Variants in MATN4 observed in about 807,000 individuals in gnomAD.
The protein encoded by MATN4 is matrilin-4.
A neutral mutation model predicts 54.6 loss-of-function variants in MATN4; 40 were observed. The ratio of observed to expected loss-of-function variants is 0.73; its 90% CI spans 0.57 to 0.95. The LOEUF (loss-of-function observed/expected upper bound fraction) is 0.95. Among genes scored for constraint, MATN4 ranks in the 40% least tolerant of loss-of-function variants. MATN4 has a pLI of 0.00. For missense variants in MATN4, 810 were observed against 819.1 expected (o/e 0.99, Z 0.13); for synonymous variants, 351 against 345.3 (o/e 1.02, Z -0.18).
intron 3 of MATN4, chr20:45,303,419 T>A (rs1327916368): frequency 1.4e-6 from 1 of 716,972 alleles, no homozygotes; most frequent in East Asian, 2.7e-5. Flanking sequence ...GCTGCTAGCT[T>A]GTAGCCTGGG....
At chr20:45,296,208 C>G (rs1297818896) in intron 8 of MATN4, among the ~76,000 whole-genome samples, 2 of 89,454 alleles carry the variant, frequency 2.2e-5, no homozygotes, top group Non-Finnish European at 4.0e-5. Context: ...GAGCGAGACT[C>G]CATCTCAAAA....
rs756106015 is a variant in MATN4 at position 45,304,274 on chromosome 20, G to A, written c.597C>T (p.Phe199=). 1.3e-6 allele frequency: 2 copies of A among 1,555,836 alleles called. No homozygotes were observed. The highest frequency in any genetic ancestry group is 1.7e-6 in the Non-Finnish European group (2 of 1,154,208). The change falls in exon 3 of 10, where the codon TTC becomes TTT. Residue 199 remains phenylalanine (F), a synonymous_variant. Coordinates refer to ENST00000372756, the MANE Select transcript of MATN4 (RefSeq NM_001393530.1). ...GCAGGCCGAACTCCTGGATGAGGTC[G>A]AAGGACTCTACGAGGAAGACGTGCT... The part of the protein sequence containing the change: ...LDEHVFLVES[F]DLIQEFGLQF...
chr20:45,296,297 AAAAAAG>A (rs1985828124), intron 8 of MATN4, among the ~76,000 whole-genome samples: 1 of 151,946 alleles, frequency 6.6e-6, no homozygotes, highest in African/African-American at 2.4e-5. Flanking sequence ...ACCTTAGGAA[AAAAAAG>A]AAAAAGGATT....
intron 1 of MATN4, among the ~76,000 whole-genome samples, chr20:45,307,182 C>A (rs1986788276): frequency 6.6e-6 from 1 of 152,136 alleles, no homozygotes; most frequent in African/African-American, 2.4e-5. Context: ...CACCGCCGCG[C>A]CCCATGCTGA....
intron 3 of MATN4, chr20:45,303,394 C>A (rs1224974869): frequency 2.8e-6 from 2 of 715,742 alleles, no homozygotes; most frequent in Non-Finnish European, 5.2e-6. Context: ...GTCATCCAAA[C>A]AGCTCTTGTT....
At chr20:45,302,782 C>A (rs1444177579) in intron 3 of MATN4, among the ~76,000 whole-genome samples, 1 of 152,036 alleles carries the variant, frequency 6.6e-6, no homozygotes, top group South Asian at 2.1e-4. Context: ...TAAGGATGTG[C>A]CTGTAAGAAG....
intron 6 of MATN4, among the ~76,000 whole-genome samples, chr20:45,299,967 G>A (rs2145652246): frequency 1.3e-5 from 1 of 75,378 alleles, no homozygotes; most frequent in South Asian, 3.1e-4. Flanking sequence ...GTGTGTGGGT[G>A]TGTGTGTGTA....
At chr20:45,296,594 T>C (rs571385964) in intron 8 of MATN4, among the ~76,000 whole-genome samples, 2 of 152,248 alleles carry the variant, frequency 1.3e-5, no homozygotes, top group Non-Finnish European at 2.9e-5. Flanking sequence ...GTGCCTCTCC[T>C]GTTACCGAAG....
chr20:45,302,383 T>C (rs1986287701), intron 3 of MATN4, among the ~76,000 whole-genome samples: 1 of 152,200 alleles, frequency 6.6e-6, no homozygotes. Flanking sequence ...TGAGAGATAA[T>C]AACATGTGTA....
In MATN4 at chr20:45,308,181, C is replaced by A; in HGVS notation, c.-41G>T. 1 of 1,614,102 alleles carries A rather than the reference C, an allele frequency of 6.2e-7. No individual in the cohort carries two copies. The highest frequency in any genetic ancestry group is 8.5e-7 in the Non-Finnish European group (1 of 1,179,958). On this transcript the variant is annotated 5_prime_UTR_variant, in exon 1 of 10. The change creates a new upstream start codon in the 5' untranslated region. Coordinates refer to ENST00000372756, the MANE Select transcript of MATN4 (RefSeq NM_001393530.1). Reference sequence around the variant, plus strand: ...TCCCAATCCTTTGACTCACCTGAGCCTGCAGGACAGATCAGAGATGCAGCT... The same window carrying A: ...TCCCAATCCTTTGACTCACCTGAGCATGCAGGACAGATCAGAGATGCAGCT...
At chr20:45,306,211 T>C (rs1221311188) in intron 1 of MATN4, among the ~76,000 whole-genome samples, 1 of 152,206 alleles carries the variant, frequency 6.6e-6, no homozygotes, top group Non-Finnish European at 1.5e-5. Context: ...TAAATGCTCT[T>C]CACGCATTGT....
intron 3 of MATN4, among the ~76,000 whole-genome samples, chr20:45,301,866 A>G (rs78855657): frequency 6.6e-6 from 1 of 150,976 alleles, no homozygotes; most frequent in Non-Finnish European, 1.5e-5. Context: ...GAGGAAAGAA[A>G]AAAAAAAAAA....
In MATN4 at chr20:45,293,720, C is replaced by A; in HGVS notation, c.*47G>T. On this transcript the variant is annotated 3_prime_UTR_variant, in exon 10 of 10. Coordinates refer to ENST00000372756, the MANE Select transcript of MATN4 (RefSeq NM_001393530.1). ...CGCACCGATGGCGCGCAAGGGGCAC[C>A]GTCCGTGGTGCCGCGCCCCAGCCCG... 6.5e-7 allele frequency: 1 copy of A among 1,535,832 alleles called. No homozygotes were observed. The highest frequency in any genetic ancestry group is 8.8e-7 in the Non-Finnish European group (1 of 1,140,792).
intron 1 of MATN4, among the ~76,000 whole-genome samples, chr20:45,307,303 G>A (rs994285436): frequency 7.2e-5 from 11 of 152,164 alleles, no homozygotes; most frequent in African/African-American, 2.7e-4. Context: ...CGCCTATTCT[G>A]AGCGAGGCCA....
At chr20:45,302,973 C>T (rs578203967) in intron 3 of MATN4, among the ~76,000 whole-genome samples, 1 of 150,882 alleles carries the variant, frequency 6.6e-6, no homozygotes, top group African/African-American at 2.4e-5. Flanking sequence ...ATCCCAGCTA[C>T]TTGGGAGGCT....
chr20:45,306,642 A>C (rs975029649), intron 1 of MATN4, among the ~76,000 whole-genome samples: 67 of 152,380 alleles, frequency 4.4e-4, no homozygotes, highest in African/African-American at 1.5e-3. Flanking sequence ...CCCACTGCGC[A>C]CGAGAACGCG....
At chr20:45,305,421 C>T in intron 2 of MATN4, 89 bp downstream of exon 2, 1 of 1,018,996 alleles carries the variant, frequency 9.8e-7, no homozygotes, top group Admixed American at 2.2e-5. Context: ...GCCCTTGCTT[C>T]CCTCTCCCCA....
chr20:45,306,573 G>A (rs1986695075), intron 1 of MATN4, among the ~76,000 whole-genome samples: 2 of 152,260 alleles, frequency 1.3e-5, no homozygotes, highest in Non-Finnish European at 2.9e-5. Context: ...AGGCGGCAGG[G>A]AGGGGCTGCG....
chr20:45,304,963 C>A (rs972326943), intron 2 of MATN4, among the ~76,000 whole-genome samples, 166 bp from the exon 3 acceptor site: 2 of 152,198 alleles, frequency 1.3e-5, no homozygotes, highest in African/African-American at 4.8e-5. Flanking sequence ...AGCACCTGGG[C>A]TAGGAGATTT....
Sources: gnomAD v4.1 joint callset for allele counts (sites outside exome capture counted in the v4.1 genomes callset) on GRCh38, gnomAD v4.1.1 for gene constraint, MANE v1.5 for transcripts, NCBI Gene and HGNC (gene_info 2026-07-23, HGNC 2026-07-21) for gene names.